The following MYO3B variants were observed in gnomAD, a reference collection of about 807,000 sequenced individuals.
MYO3B encodes the protein myosin-IIIb.
In MYO3B, 156 loss-of-function variants were observed where a neutral mutation model predicts 174.6. The observed-to-expected ratio is 0.89, with a 90% CI of 0.78 to 1.02. The LOEUF (loss-of-function observed/expected upper bound fraction) is 1.02, where lower values mean the gene tolerates loss of function less well. Among genes scored for constraint, MYO3B ranks in the 50% least tolerant of loss-of-function variants. MYO3B has a pLI of 0.00. For synonymous variants in MYO3B, 563 were observed against 569.1 expected (o/e 0.99, Z 0.15); for missense variants, 1,632 against 1,639.4 (o/e 1.00, Z 0.08).
intron 32 of MYO3B, among the ~76,000 whole-genome samples, chr2:170,586,310 A>C (rs1490302411): frequency 6.6e-6 from 1 of 152,200 alleles, no homozygotes. Flanking sequence ...ATCATTTTGC[A>C]GTTCCTCTGC....
intron 22 of MYO3B, among the ~76,000 whole-genome samples, chr2:170,439,980 A>G (rs777324573): frequency 6.6e-6 from 1 of 152,178 alleles, no homozygotes; most frequent in South Asian, 2.1e-4. Flanking sequence ...ATGCCTGGCT[A>G]TAGTTTCAGT....
At position 170,560,817 on chromosome 2, in the gene MYO3B, C is replaced by T. The variant is rs141878838; in HGVS notation, c.3733+16829C>T. Among the ~76,000 whole-genome samples, 576 of 152,338 alleles carry T rather than the reference C, an allele frequency of 3.8e-3. 2 individuals carry two copies. Among genetic ancestry groups the T allele is most frequent in the African/African-American group, 0.013 (529 of 41,574 alleles). ...GCTCTAGATTTGTTTCTGCTCTTAA[C>T]TGATTTGTCCTCCAAAGCACAGTTT... is the stretch of plus-strand genomic sequence containing the variant. On this transcript the variant is annotated intron_variant, in intron 32 of 34. Transcript: ENST00000408978.
rs562684760 is a variant in MYO3B, at chr2:170,616,574, G to C, written c.3734-35054G>C. On this transcript the variant is annotated intron_variant, in intron 32 of 34. Coordinates refer to ENST00000408978, the MANE Select transcript of MYO3B (RefSeq NM_138995.5). ...CTCCTTACATCTCCCCCTTCTCTCTGATTTAAATGAACCATAGCAATCATA... is the reference window on the plus strand; with the variant it reads ...CTCCTTACATCTCCCCCTTCTCTCTCATTTAAATGAACCATAGCAATCATA... Among the ~76,000 whole-genome samples, 29 of 152,258 alleles carry C rather than the reference G, an allele frequency of 1.9e-4. No individual in the cohort carries two copies. In the South Asian group the frequency reaches 2.3e-3, roughly 12 times the overall value.
intron 7 of MYO3B, among the ~76,000 whole-genome samples, chr2:170,288,696 T>C (rs2093574709): frequency 6.6e-6 from 1 of 152,112 alleles, no homozygotes; most frequent in Non-Finnish European, 1.5e-5. Context: ...CTTTCTGCTT[T>C]AGATGCCCTT....
At chr2:170,371,556 C>T (rs1292010397) in intron 9 of MYO3B, among the ~76,000 whole-genome samples, 2 of 152,132 alleles carry the variant, frequency 1.3e-5, no homozygotes, top group Non-Finnish European at 2.9e-5. Flanking sequence ...CTCTCTTGTA[C>T]TATTACTTCC....
chr2:170,566,944 T>C (rs111689557), intron 32 of MYO3B, among the ~76,000 whole-genome samples: 4,499 of 152,266 alleles, frequency 0.03, 206 homozygotes, highest in African/African-American at 0.1. Context: ...ATTCTGTGCC[T>C]GAGTCACAGA....
chr2:170,525,841 A>G (rs559706008), intron 30 of MYO3B, among the ~76,000 whole-genome samples: 72 of 152,338 alleles, frequency 4.7e-4, no homozygotes, highest in Non-Finnish European at 8.2e-4. Flanking sequence ...ACAGATTGTC[A>G]CATATCTTGA....
intron 7 of MYO3B, among the ~76,000 whole-genome samples, chr2:170,303,223 A>G (rs1344540132): frequency 1.3e-5 from 2 of 152,168 alleles, no homozygotes; most frequent in South Asian, 2.1e-4. Context: ...ATAAATGTCT[A>G]TGTATCTACA....
intron 23 of MYO3B, among the ~76,000 whole-genome samples, chr2:170,462,259 T>A (rs777853264): frequency 1.5e-4 from 23 of 152,360 alleles, no homozygotes; most frequent in Admixed American, 2.6e-4. Flanking sequence ...AAAGCTGCAC[T>A]GTCTCTGATG....
At chr2:170,379,219 G>A (rs1457037197) in intron 9 of MYO3B, among the ~76,000 whole-genome samples, 11 of 134,228 alleles carry the variant, frequency 8.2e-5, no homozygotes, top group Admixed American at 1.6e-4. Context: ...TTTTTGAGAC[G>A]GAATCTTGCT....
At chr2:170,281,836 A>G (rs187316288) in intron 7 of MYO3B, among the ~76,000 whole-genome samples, 114 of 152,284 alleles carry the variant, frequency 7.5e-4, no homozygotes, top group Admixed American at 1.9e-3. Flanking sequence ...GACTAATAAG[A>G]AAAGAGAGAA....
chr2:170,410,671 C>T (rs931685760), intron 22 of MYO3B, among the ~76,000 whole-genome samples: 1 of 150,106 alleles, frequency 6.7e-6, no homozygotes, highest in African/African-American at 2.5e-5. Context: ...TGCTGGACTC[C>T]TCAATTTTGA....
chr2:170,196,008 T>A (rs6739989), intron 1 of MYO3B, among the ~76,000 whole-genome samples: 43 of 152,336 alleles, frequency 2.8e-4, no homozygotes, highest in African/African-American at 7.9e-4. Context: ...CTGAGAGTTG[T>A]TCATTTTTCC....
intron 32 of MYO3B, among the ~76,000 whole-genome samples, chr2:170,562,271 T>G (rs1398478692): frequency 1.3e-5 from 2 of 152,238 alleles, no homozygotes; most frequent in Non-Finnish European, 2.9e-5. Flanking sequence ...TTTTTCCTGG[T>G]TCTCATTCAT....
intron 1 of MYO3B, among the ~76,000 whole-genome samples, chr2:170,192,007 T>C (rs1402590335): frequency 6.6e-6 from 1 of 152,218 alleles, no homozygotes; most frequent in African/African-American, 2.4e-5. Flanking sequence ...TTTATTTTTC[T>C]GTGCTACTTT....
At chr2:170,465,836 G>C in intron 24 of MYO3B, among the ~76,000 whole-genome samples, 1 of 152,256 alleles carries the variant, frequency 6.6e-6, no homozygotes, top group South Asian at 2.1e-4. Context: ...GCTTATAATA[G>C]CTCCTGAAGG....
Position 170,285,372 on chromosome 2 carries a change from C to CT in MYO3B, c.749+49248dup, listed in dbSNP as rs35061330. Among the ~76,000 whole-genome samples the CT allele has an allele frequency of 1.0e-4, 15 of 144,572 alleles. No individual in the cohort carries two copies. The East Asian group carries it at 1.6e-3, about 16-fold the overall frequency. 94.8% of individuals were successfully genotyped at this position (144,572 alleles called of 152,430 possible). On this transcript the variant is annotated intron_variant, in intron 7 of 34. Coordinates refer to ENST00000408978, the MANE Select transcript of MYO3B (RefSeq NM_138995.5). ...CAAATATCTTCTGTCAGTCTGTGAC[C>CT]TTTTTTTTTTTTGGGAGACAGAGTC...
chr2:170,627,484 C>T (rs573371534), intron 32 of MYO3B, among the ~76,000 whole-genome samples: 38 of 152,238 alleles, frequency 2.5e-4, no homozygotes, highest in Middle Eastern at 3.4e-3. Context: ...AACTTCTTTG[C>T]GATGGGTTCG....
rs112921532 is a variant in MYO3B, at chr2:170,319,040, T to C, written c.750-16345T>C. 5.9e-5 allele frequency among the ~76,000 whole-genome samples: 9 copies of C among 152,330 alleles called. 1 individual carries two copies. Among genetic ancestry groups the C allele is most frequent in the African/African-American group, 1.4e-4 (6 of 41,574 alleles). ...TCTCAGGTTTAGGGTACAAAACTAATTTCAGATCATGTCTGCTAGGATGAC... is the reference window on the plus strand; with the variant it reads ...TCTCAGGTTTAGGGTACAAAACTAACTTCAGATCATGTCTGCTAGGATGAC... On this transcript the variant is annotated intron_variant, in intron 7 of 34. Transcript: ENST00000408978.
Sources: gnomAD v4.1 joint callset for allele counts (sites outside exome capture counted in the v4.1 genomes callset) on GRCh38, gnomAD v4.1.1 for gene constraint, MANE v1.5 for transcripts, NCBI Gene and HGNC (gene_info 2026-07-23, HGNC 2026-07-21) for gene names.